The following GRIK2 variants were observed in gnomAD, a reference collection of about 807,000 sequenced individuals.
The protein encoded by GRIK2 is glutamate ionotropic receptor kainate type subunit 2.
Under a neutral mutation model 100.3 loss-of-function variants are expected in GRIK2, and 32 were observed. The ratio of observed to expected loss-of-function variants is 0.32; its 90% CI spans 0.24 to 0.43. The LOEUF (loss-of-function observed/expected upper bound fraction) is 0.43, where lower values mean the gene tolerates loss of function less well. GRIK2 is among the 20% of genes least tolerant of loss of function. The pLI, the probability that GRIK2 is intolerant of heterozygous loss-of-function variation, is 1.00. For synonymous variants in GRIK2, 417 were observed against 389.4 expected (o/e 1.07, Z -0.83); for missense variants, 843 against 1,114.9 (o/e 0.76, Z 3.47).
At chr6:101,736,487 C>A (rs577887324) in intron 7 of GRIK2, among the ~76,000 whole-genome samples, 88 of 152,302 alleles carry the variant, frequency 5.8e-4, no homozygotes, top group Non-Finnish European at 1.1e-3. Context: ...GACTTCTGTG[C>A]ACTCACAGGC....
At chr6:101,660,222 G>T (rs1169296765) in intron 4 of GRIK2, among the ~76,000 whole-genome samples, 1 of 150,986 alleles carries the variant, frequency 6.6e-6, no homozygotes, top group East Asian at 2.0e-4. Context: ...TTATTAAGTT[G>T]ATCTTCAATC....
intron 10 of GRIK2, among the ~76,000 whole-genome samples, chr6:101,858,601 G>T (rs1021575785): frequency 6.6e-6 from 1 of 151,836 alleles, no homozygotes; most frequent in Non-Finnish European, 1.5e-5. Context: ...GTGTTAGCCA[G>T]GATGGTCTTG....
chr6:101,456,054 T>C (rs1770992468), intron 2 of GRIK2, among the ~76,000 whole-genome samples: 1 of 151,402 alleles, frequency 6.6e-6, no homozygotes, highest in Non-Finnish European at 1.5e-5. Context: ...CTTCTAATAA[T>C]GGGCAGGTCT....
At chr6:101,413,665 G>A (rs554627971) in intron 2 of GRIK2, among the ~76,000 whole-genome samples, 2 of 151,884 alleles carry the variant, frequency 1.3e-5, no homozygotes, top group African/African-American at 4.8e-5. Flanking sequence ...CATTCTATAG[G>A]TTCTGTTTCA....
intron 2 of GRIK2, among the ~76,000 whole-genome samples, chr6:101,497,485 T>C (rs911402478): frequency 2.6e-5 from 4 of 152,008 alleles, no homozygotes; most frequent in African/African-American, 7.2e-5. Context: ...TTATTGAGTT[T>C]TGTGGAAATA....
At chr6:101,441,326 T>C (rs1770038484) in intron 2 of GRIK2, among the ~76,000 whole-genome samples, 1 of 152,138 alleles carries the variant, frequency 6.6e-6, no homozygotes, top group African/African-American at 2.4e-5. Context: ...TCCTGAAATG[T>C]TGGTGAATAA....
At chr6:101,402,825 T>A (rs976742537) in intron 2 of GRIK2, among the ~76,000 whole-genome samples, 1 of 152,188 alleles carries the variant, frequency 6.6e-6, no homozygotes, top group Non-Finnish European at 1.5e-5. Context: ...TCCCAGCGTA[T>A]GTAAATGAGG....
chr6:101,690,851 G>A (rs1384207263), intron 7 of GRIK2, among the ~76,000 whole-genome samples: 3 of 151,980 alleles, frequency 2.0e-5, no homozygotes, highest in African/African-American at 7.2e-5. Flanking sequence ...CTAATTTTCA[G>A]GTTTTCTGTT....
chr6:101,715,921 C>T (rs997822326), intron 7 of GRIK2, among the ~76,000 whole-genome samples: 1 of 151,692 alleles, frequency 6.6e-6, no homozygotes, highest in Non-Finnish European at 1.5e-5. Context: ...TGTGTTTTAA[C>T]AAAACTCTGT....
chr6:101,610,486 T>C (rs867697118), intron 2 of GRIK2, among the ~76,000 whole-genome samples: 21 of 151,932 alleles, frequency 1.4e-4, no homozygotes, highest in African/African-American at 4.8e-4. Flanking sequence ...TTTCATAATA[T>C]TTTGGCAGAT....
At chr6:101,834,932 G>C (rs1260808005) in intron 10 of GRIK2, among the ~76,000 whole-genome samples, 1 of 152,106 alleles carries the variant, frequency 6.6e-6, no homozygotes, top group African/African-American at 2.4e-5. Flanking sequence ...CTGAGCTTGG[G>C]AGATCAAGGC....
chr6:101,475,777 A>C (rs191681517), intron 2 of GRIK2, among the ~76,000 whole-genome samples: 68 of 152,150 alleles, frequency 4.5e-4, no homozygotes, highest in Admixed American at 2.8e-3. Flanking sequence ...ATTTAAATCT[A>C]AAAAAGGCGA....
chr6:101,819,906 T>G (rs1781852948), intron 10 of GRIK2, among the ~76,000 whole-genome samples: 1 of 152,164 alleles, frequency 6.6e-6, no homozygotes, highest in Non-Finnish European at 1.5e-5. Context: ...TTTCTCTACT[T>G]CTTTGTTATA....
At chr6:101,877,318 G>T (rs1785926850) in intron 11 of GRIK2, among the ~76,000 whole-genome samples, 1 of 151,902 alleles carries the variant, frequency 6.6e-6, no homozygotes, top group Non-Finnish European at 1.5e-5. Flanking sequence ...AAGGATAGTT[G>T]TGTCTGTACT....
chr6:101,931,692 C>T (rs1486111293), intron 14 of GRIK2, among the ~76,000 whole-genome samples: 2 of 151,996 alleles, frequency 1.3e-5, no homozygotes, highest in African/African-American at 4.8e-5. Context: ...ACACACCACA[C>T]AGACTCTCCT....
chr6:101,560,128 C>T (rs1235493478), intron 2 of GRIK2, among the ~76,000 whole-genome samples: 1 of 152,040 alleles, frequency 6.6e-6, no homozygotes, highest in Non-Finnish European at 1.5e-5. Context: ...ACCCAATACC[C>T]CTCTCCAGTA....
At chr6:101,637,067 G>C (rs1781055073) in intron 4 of GRIK2, among the ~76,000 whole-genome samples, 1 of 151,592 alleles carries the variant, frequency 6.6e-6, no homozygotes, top group Non-Finnish European at 1.5e-5. Flanking sequence ...CCTTCTTTTT[G>C]GCCATTTATT....
rs1554258374 is a variant in GRIK2 at position 101,753,297 on chromosome 6, A to AAAAAG, written c.952-46347_952-46346insGAAAA. Among the ~76,000 whole-genome samples the AAAAAG allele has an allele frequency of 4.0e-3, 592 of 147,250 alleles. 3 individuals are homozygous for AAAAAG. The highest frequency in any genetic ancestry group is 0.014 in the African/African-American group (538 of 38,262). The stretch of plus-strand genomic sequence containing the variant: ...GACTCCGTCTCAAAAAAAAAAAAAA[A>AAAAAG]AAAAAGAAAATAACACGATCACCAT... On this transcript the variant is annotated intron_variant, in intron 7 of 16. Transcript: ENST00000369134.
chr6:101,979,645 A>T (rs1726165263), intron 14 of GRIK2, among the ~76,000 whole-genome samples: 1 of 151,910 alleles, frequency 6.6e-6, no homozygotes, highest in African/African-American at 2.4e-5. Flanking sequence ...AATGTGCAAG[A>T]GCTCTAACTT....
Sources: allele counts gnomAD v4.1 joint callset (sites outside exome capture counted in the v4.1 genomes callset), GRCh38; gene constraint gnomAD v4.1.1; transcripts MANE v1.5; gene names NCBI Gene and HGNC (gene_info 2026-07-23, HGNC 2026-07-21).